The following PCDHGA7 variants were observed in gnomAD, a reference collection of about 807,000 sequenced individuals.
PCDHGA7 encodes protocadherin gamma-A7.
Under a neutral mutation model 58.3 loss-of-function variants are expected in PCDHGA7, and 44 were observed. That is an observed-to-expected ratio of 0.75 (90% CI 0.59 to 0.97). The LOEUF (loss-of-function observed/expected upper bound fraction) is 0.97, where lower values mean the gene tolerates loss of function less well. Among genes scored for constraint, PCDHGA7 ranks in the 50% least tolerant of loss-of-function variants. PCDHGA7 has a pLI of 0.00. For synonymous variants in PCDHGA7, 516 were observed against 504.2 expected (o/e 1.02, Z -0.31); for missense variants, 1,266 against 1,188.7 (o/e 1.06, Z -0.96).
chr5:141,386,921 A>G (rs2090747482), intron 1 of PCDHGA7, among the ~76,000 whole-genome samples: 1 of 152,228 alleles, frequency 6.6e-6, no homozygotes. Flanking sequence ...GGAATGTAAA[A>G]TAAGTGCAGA....
chr5:141,489,701 T>C lies in PCDHGA7; in HGVS notation c.2425-5106T>C, dbSNP rs1038902932. The C allele has an allele frequency of 1.9e-6, 3 of 1,614,128 alleles. No homozygotes were observed. The highest frequency in any genetic ancestry group is 2.5e-6 in the Non-Finnish European group (3 of 1,179,944). On this transcript the variant is annotated intron_variant, in intron 1 of 3. Transcript: ENST00000518325. The surrounding 1 kb of genome is among the most constrained non-coding windows in gnomAD (Gnocchi z 4.5). ...GCAGCATCTGGGGCACGATTCCCAC[T>C]GGACAGTGCCCAGGATCCGGATGTG...
intron 1 of PCDHGA7, chr5:141,427,734 C>A (rs2097062807): frequency 1.7e-6 from 2 of 1,207,418 alleles, no homozygotes; most frequent in Non-Finnish European, 2.4e-6. Flanking sequence ...GCTGAATGGC[C>A]AAGTCTCCTA....
intron 1 of PCDHGA7, chr5:141,478,270 C>G (rs1347709530): frequency 5.6e-6 from 9 of 1,614,078 alleles, no homozygotes; most frequent in Non-Finnish European, 6.8e-6. Context: ...TCAAAGTTTA[C>G]AAGTGGAAGC....
In PCDHGA7 at chr5:141,382,884, G is replaced by C; in HGVS notation, c.-16G>C. 6.5e-7 allele frequency: 1 copy of C among 1,529,218 alleles called. No homozygotes were observed. Among genetic ancestry groups the C allele is most frequent in the South Asian group, 1.3e-5 (1 of 76,828 alleles). The allele number at this position is 1,529,218 out of a possible 1,614,324, so 94.7% of individuals were successfully genotyped here. A position where few individuals can be genotyped will look rare whatever the true frequency, so the allele number is the denominator to read the frequency against. On this transcript the variant is annotated 5_prime_UTR_variant, in exon 1 of 4. Transcript: ENST00000518325. ...CTTCCCGAGATCGGCGCCTAAGCAA[G>C]AGAAGCAGGACGACTATGGCGGCTC...
Position 141,450,757 on chromosome 5 carries a change from G to A in PCDHGA7, c.2425-44050G>A, listed in dbSNP as rs575351311. Among the ~76,000 whole-genome samples, 5 of 151,964 alleles carry A rather than the reference G, an allele frequency of 3.3e-5. No individual in the cohort carries two copies. In the East Asian group the frequency reaches 9.7e-4, roughly 29 times the overall value. ...CCGCCTTGGCCTCCCAAAGTGCCGG[G>A]ATTACAGGCATGAGCCACCGTGCCC... On this transcript the variant is annotated intron_variant, in intron 1 of 3. Coordinates refer to ENST00000518325, the MANE Select transcript of PCDHGA7 (RefSeq NM_018920.4).
chr5:141,408,965 C>T lies in PCDHGA7; in HGVS notation c.2424+23642C>T, dbSNP rs767484272. The T allele has an allele frequency of 1.5e-5, 25 of 1,613,688 alleles. No homozygotes were observed. The Admixed American group carries it at 4.2e-4, about 27-fold the overall frequency. On this transcript the variant is annotated intron_variant, in intron 1 of 3. Transcript: ENST00000518325. ...ATATAGAATTAGTCTTAGTGAAAATCTGCCCCCTGGGTCCCCTGTGTTGCA... is the reference window on the plus strand; with the variant it reads ...ATATAGAATTAGTCTTAGTGAAAATTTGCCCCCTGGGTCCCCTGTGTTGCA...
chr5:141,427,974 G>T, intron 1 of PCDHGA7: 1 of 1,594,576 alleles, frequency 6.3e-7, no homozygotes, highest in South Asian at 1.1e-5. Flanking sequence ...GCTGTACCCC[G>T]CGCTGGGGCC....
chr5:141,419,368 C>T, intron 1 of PCDHGA7: 1 of 1,613,776 alleles, frequency 6.2e-7, no homozygotes, highest in Non-Finnish European at 8.5e-7. Context: ...CGCTGTCGTC[C>T]TACGTGTCCG....
intron 1 of PCDHGA7, chr5:141,478,018 C>G: frequency 6.2e-7 from 1 of 1,614,124 alleles, no homozygotes; most frequent in Non-Finnish European, 8.5e-7. Flanking sequence ...CCCGTCCAGT[C>G]CAAGACACAG....
At chr5:141,458,645 C>T (rs1162232847) in intron 1 of PCDHGA7, among the ~76,000 whole-genome samples, 2 of 152,170 alleles carry the variant, frequency 1.3e-5, no homozygotes, top group Non-Finnish European at 2.9e-5. Flanking sequence ...TCCCAGCTCA[C>T]TGCAACCTCC....
Position 141,477,540 on chromosome 5 carries a change from C to T in PCDHGA7, c.2425-17267C>T, listed in dbSNP as rs777796922. On this transcript the variant is annotated intron_variant, in intron 1 of 3. Coordinates refer to ENST00000518325, the MANE Select transcript of PCDHGA7 (RefSeq NM_018920.4). The surrounding 1 kb of genome is among the most constrained non-coding windows in gnomAD (Gnocchi z 4.9). Reference sequence around the variant, plus strand: ...GAAGAAAACAACCTCCCCGGGGCTCCAATACTAAACCTAAGTGTCTGGGAC... The same window carrying T: ...GAAGAAAACAACCTCCCCGGGGCTCTAATACTAAACCTAAGTGTCTGGGAC... The T allele has an allele frequency of 6.8e-6, 11 of 1,614,036 alleles. 1 individual carries two copies. Among genetic ancestry groups the T allele is most frequent in the African/African-American group, 2.7e-5 (2 of 74,920 alleles).
Position 141,494,692 on chromosome 5 carries a change from C to T in PCDHGA7, c.2425-115C>T. On this transcript the variant is annotated intron_variant, in intron 1 of 3. Coordinates refer to ENST00000518325, the MANE Select transcript of PCDHGA7 (RefSeq NM_018920.4). ...AGTCCACCCCTGCCCCCTCTTAGTC[C>T]GTTTTCTTCTCTGTGCCCACTCCCC... 2.5e-6 allele frequency: 4 copies of T among 1,581,934 alleles called. No individual in the cohort carries two copies. In the African/African-American group the frequency reaches 4.0e-5, roughly 16 times the overall value.
intron 1 of PCDHGA7, chr5:141,410,091 G>A: frequency 8.7e-6 from 14 of 1,612,518 alleles, no homozygotes; most frequent in African/African-American, 1.3e-5. Flanking sequence ...CGCACGGCTC[G>A]AGCCTTAGGC....
chr5:141,495,412 G>A lies in PCDHGA7; in HGVS notation c.2483+547G>A, dbSNP rs188302135. 2.2e-4 allele frequency among the ~76,000 whole-genome samples: 33 copies of A among 152,284 alleles called. No homozygotes were observed. The East Asian group carries it at 6.4e-3, about 29-fold the overall frequency. ...GGCATGGAGCAGGCCCCCTTCTCCG[G>A]CCCCTCCTCCCACTGTCCTCTGCCC... On this transcript the variant is annotated intron_variant, in intron 2 of 3. Coordinates refer to ENST00000518325, the MANE Select transcript of PCDHGA7 (RefSeq NM_018920.4).
chr5:141,415,730 G>A lies in PCDHGA7; in HGVS notation c.2424+30407G>A. On this transcript the variant is annotated intron_variant, in intron 1 of 3. Transcript: ENST00000518325. Reference sequence around the variant, plus strand: ...AAAACACTGATGAGTAGAATTTGATGTTTATTAAGGTTTTTTTTTTTTTTT... The same window carrying A: ...AAAACACTGATGAGTAGAATTTGATATTTATTAAGGTTTTTTTTTTTTTTT... 4 of 476,826 alleles carry A rather than the reference G, an allele frequency of 8.4e-6. No individual in the cohort carries two copies. The South Asian group carries it at 2.0e-4, about 24-fold the overall frequency. The allele number at this position is 476,826 out of a possible 1,614,324, so 29.5% of individuals were successfully genotyped here. A position where few individuals can be genotyped will look rare whatever the true frequency, so the allele number is the denominator to read the frequency against.
At chr5:141,446,263 C>T (rs2098496356) in intron 1 of PCDHGA7, among the ~76,000 whole-genome samples, 1 of 152,010 alleles carries the variant, frequency 6.6e-6, no homozygotes, top group East Asian at 1.9e-4. Flanking sequence ...ATATTATTAA[C>T]TGAATAAATA....
chr5:141,394,558 C>T (rs2093032633), intron 1 of PCDHGA7: 4 of 1,614,108 alleles, frequency 2.5e-6, no homozygotes, highest in Non-Finnish European at 3.4e-6. Flanking sequence ...CCCCGCTCCG[C>T]AGAGCGTGGC....
chr5:141,385,672 C>A, intron 1 of PCDHGA7: 2 of 389,948 alleles, frequency 5.1e-6, no homozygotes, highest in Non-Finnish European at 7.4e-6. Flanking sequence ...ATAAAACACA[C>A]CTCAGCTGTC....
rs754836894 is a variant in PCDHGA7 at position 141,432,969 on chromosome 5, C to G, written c.2424+47646C>G. ...GGAGGCGGCTTGACAGGAGCGCCGG[C>G]GTCGCACTTTGTGGGCGTGGACGGG... On this transcript the variant is annotated intron_variant, in intron 1 of 3. Coordinates refer to ENST00000518325, the MANE Select transcript of PCDHGA7 (RefSeq NM_018920.4). The surrounding 1 kb of genome is among the most constrained non-coding windows in gnomAD (Gnocchi z 6.0). 5.0e-6 allele frequency: 8 copies of G among 1,614,030 alleles called. No homozygotes were observed. In the Admixed American group the frequency reaches 5.0e-5, roughly 10 times the overall value.
Sources: gnomAD v4.1 joint callset for allele counts (sites outside exome capture counted in the v4.1 genomes callset) on GRCh38, gnomAD v4.1.1 for gene constraint, Gnocchi (gnomAD v3.1) non-coding constraint, MANE v1.5 for transcripts, NCBI Gene and HGNC (gene_info 2026-07-23, HGNC 2026-07-21) for gene names.